RNF213: variants seen among roughly 807,000 people sequenced by gnomAD.
RNF213 encodes ring finger protein 213, also known as E3 ubiquitin-protein ligase RNF213.
Under a neutral mutation model 514.4 loss-of-function variants are expected in RNF213, and 341 were observed. The ratio of observed to expected loss-of-function variants is 0.66; its 90% CI spans 0.61 to 0.73. The LOEUF is 0.73. Ranked by LOEUF, RNF213 falls within the 30% of genes least tolerant of loss-of-function variation. The probability of loss-of-function intolerance (pLI) is 0.00; values close to 1 mark genes in which losing one functional copy is unlikely to be tolerated. For synonymous variants in RNF213, 2,655 were observed against 2,658.2 expected (o/e 1.00, Z 0.04); for missense variants, 5,767 against 6,615.6 (o/e 0.87, Z 4.45).
chr17:80,285,750 A>G (rs891425466), intron 3 of RNF213, among the ~76,000 whole-genome samples: 3 of 148,452 alleles, frequency 2.0e-5, no homozygotes, highest in African/African-American at 7.5e-5. Context: ...GGCTGACCGC[A>G]GCCTCTGCCT....
intron 13 of RNF213, 148 bp downstream of exon 13, chr17:80,307,349 A>G: frequency 1.6e-6 from 1 of 628,748 alleles, no homozygotes; most frequent in East Asian, 3.1e-5. Context: ...TCAGGTTATT[A>G]ATATTGTCGT....
intron 3 of RNF213, among the ~76,000 whole-genome samples, chr17:80,280,992 C>T (rs941404536): frequency 6.6e-5 from 10 of 151,800 alleles, no homozygotes; most frequent in African/African-American, 7.3e-5. Flanking sequence ...GGTGTATACA[C>T]GGGTGTGGAA....
Position 80,355,368 on chromosome 17 carries a change from G to A in RNF213, c.10862+792G>A, listed in dbSNP as rs993284694. On this transcript the variant is annotated intron_variant, in intron 36 of 67. Transcript: ENST00000582970. ...GGGAAGAAGCGGGGTGAACGGGAATGGGAGCTTACAGGGGAAGAAGCGGGG... is the reference window on the plus strand; with the variant it reads ...GGGAAGAAGCGGGGTGAACGGGAATAGGAGCTTACAGGGGAAGAAGCGGGG... The A allele has an allele frequency of 1.3e-3, 507 of 391,470 alleles. 16 individuals are homozygous for A. The highest frequency in any genetic ancestry group is 9.7e-3 in the African/African-American group (437 of 44,840). The allele number at this position is 391,470 out of a possible 1,614,324, so 24.2% of individuals were successfully genotyped here. A position where few individuals can be genotyped will look rare whatever the true frequency, so the allele number is the denominator to read the frequency against.
intron 67 of RNF213, 118 bp downstream of exon 67, chr17:80,390,314 T>C (rs1369601503): frequency 1.6e-6 from 2 of 1,230,672 alleles, no homozygotes; most frequent in Non-Finnish European, 1.2e-6. Context: ...TTCCTGCTTT[T>C]TGTCATTACC....
intron 6 of RNF213, 92 bp downstream of exon 6, chr17:80,289,929 G>A: frequency 1.5e-6 from 2 of 1,377,526 alleles, no homozygotes; most frequent in Non-Finnish European, 2.0e-6. Flanking sequence ...TATCCAGGCT[G>A]CCCTTCTAGT....
At chr17:80,276,077 A>T (rs1448601624) in intron 3 of RNF213, among the ~76,000 whole-genome samples, 119 of 150,142 alleles carry the variant, frequency 7.9e-4, no homozygotes, top group African/African-American at 2.8e-3. Context: ...TTATTTATTT[A>T]TTTATTTATT....
At chr17:80,268,991 A>G (rs549036349) in intron 2 of RNF213, among the ~76,000 whole-genome samples, 45 of 152,326 alleles carry the variant, frequency 3.0e-4, no homozygotes, top group African/African-American at 9.6e-4. Context: ...CCCCTGGCAA[A>G]CCACTGGCGT....
At chr17:80,302,591 C>T (rs995725481) in intron 11 of RNF213, among the ~76,000 whole-genome samples, 4 of 152,132 alleles carry the variant, frequency 2.6e-5, no homozygotes, top group African/African-American at 9.7e-5. Context: ...CTTGGTGGCT[C>T]ATGCCTATAA....
rs1478885725 is a variant in RNF213 at position 80,287,935 on chromosome 17, C to T, written c.382C>T (p.Pro128Ser). 4.5e-6 allele frequency: 7 copies of T among 1,569,300 alleles called. No homozygotes were observed. Among genetic ancestry groups the T allele is most frequent in the Non-Finnish European group, 5.2e-6 (6 of 1,157,138 alleles). Residue 128 changes from proline to serine, a missense_variant, in exon 4 of 68, where the codon CCT (proline) becomes TCT (serine). Physicochemically the swap from Pro to Ser is moderately conservative, Grantham distance 74. Coordinates refer to ENST00000582970, the MANE Select transcript of RNF213 (RefSeq NM_001256071.3). ...CHLTLLSNPW[P>S]QDTALPHSQA... ...CCTGACTTTGCTTTCAAACCCGTGG[C>T]CTCAGGACACAGCCCTGCCCCACAG...
In RNF213 at chr17:80,344,778, G is replaced by A; in HGVS notation, c.6443G>A (p.Ser2148Asn). ...VIDMELSALR[S>N]DTEPGMDLWE... ...GACATGGAGCTGAGTGCCCTGAGGA[G>A]TGACACAGAGCCTGGGATGGATCTG... Residue 2148 changes from serine to asparagine, a missense_variant, in exon 29 of 68, where the codon AGT becomes AAT. This residue lies in a region of RNF213 where 1,377 missense variants were observed against 1,635.2 expected (regional missense o/e 0.84). Coordinates refer to ENST00000582970, the MANE Select transcript of RNF213 (RefSeq NM_001256071.3). The A allele has an allele frequency of 1.2e-6, 2 of 1,614,204 alleles. No individual in the cohort carries two copies. The highest frequency in any genetic ancestry group is 1.7e-6 in the Non-Finnish European group (2 of 1,180,040).
At chr17:80,371,329 T>C (rs1478283303) in intron 46 of RNF213, among the ~76,000 whole-genome samples, 3 of 152,230 alleles carry the variant, frequency 2.0e-5, no homozygotes, top group African/African-American at 7.2e-5. Context: ...ATTCCGAGTA[T>C]ATGAGGACAG....
At chr17:80,391,059 C>T (rs2080451652) in intron 67 of RNF213, among the ~76,000 whole-genome samples, 1 of 151,974 alleles carries the variant, frequency 6.6e-6, no homozygotes, top group African/African-American at 2.4e-5. Context: ...GAGACTTCAT[C>T]TCAAAAACAA....
At position 80,379,923 on chromosome 17, in the gene RNF213, C is replaced by T. The variant is rs918136173; in HGVS notation, c.13640+209C>T. ...TGTTGGATCCCTGGGCCCTGAAATG[C>T]AAAGCAGGCTACCCTTTAACAGCTG... On this transcript the variant is annotated intron_variant, in intron 55 of 67. Coordinates refer to ENST00000582970, the MANE Select transcript of RNF213 (RefSeq NM_001256071.3). 1.0e-5 allele frequency: 6 copies of T among 598,450 alleles called. No individual in the cohort carries two copies. Among genetic ancestry groups the T allele is most frequent in the East Asian group, 3.1e-5 (1 of 32,456 alleles). 37.1% of individuals were successfully genotyped at this position (598,450 alleles called of 1,614,324 possible). A position where few individuals can be genotyped will look rare whatever the true frequency, so the allele number is the denominator to read the frequency against.
intron 20 of RNF213, among the ~76,000 whole-genome samples, chr17:80,329,665 A>G (rs1334842304): frequency 6.6e-6 from 1 of 151,830 alleles, no homozygotes; most frequent in African/African-American, 2.4e-5. Flanking sequence ...CCCATCTCTA[A>G]AAAAAATACA....
At position 80,347,993 on chromosome 17, in the gene RNF213, G is replaced by A. The variant is rs1001657566; in HGVS notation, c.9658G>A (p.Gly3220Ser). 6.2e-7 allele frequency: 1 copy of A among 1,614,152 alleles called. No homozygotes were observed. ...HKYSPSDVFIGYHSDACASVV... is the reference protein window; with the variant it reads ...HKYSPSDVFISYHSDACASVV... ...ATACAGCCCCTCTGACGTCTTCATC[G>A]GCTACCACTCGGACGCCTGCGCGTC... is the stretch of plus-strand genomic sequence containing the variant. Residue 3220 changes from glycine to serine, a missense_variant, in exon 29 of 68, where the codon GGC becomes AGC. Gly to Ser is a moderately conservative substitution (Grantham distance 56). Coordinates refer to ENST00000582970, the MANE Select transcript of RNF213 (RefSeq NM_001256071.3). The surrounding 1 kb of genome is among the most constrained non-coding windows in gnomAD (Gnocchi z 7.2).
chr17:80,358,258 G>C (rs370461742), intron 36 of RNF213, 30 bp from the exon 37 acceptor site: 1 of 1,608,084 alleles, frequency 6.2e-7, no homozygotes, highest in African/African-American at 1.3e-5. Context: ...CCTCTGACCC[G>C]TGGTGGCCCA....
chr17:80,343,296 G>A lies in RNF213; in HGVS notation c.6154G>A (p.Val2052Met), dbSNP rs80097023. 4.9e-4 allele frequency: 795 copies of A among 1,612,886 alleles called. 6 individuals are homozygous for A. In the African/African-American group the frequency reaches 9.4e-3, roughly 19 times the overall value. Residue 2052 changes from valine to methionine, a missense_variant, in exon 27 of 68, where the codon GTG becomes ATG. By Grantham distance (21) the Val-to-Met change is conservative. Coordinates refer to ENST00000582970, the MANE Select transcript of RNF213 (RefSeq NM_001256071.3). The surrounding 1 kb of genome is among the most constrained non-coding windows in gnomAD (Gnocchi z 4.3). ...FLDAQYQKVP[V>M]LFHLDVTSSV... ...GGATGCGCAGTATCAGAAGGTCCCC[G>A]TGCTCTTTCACCTGGACGTGACCTC...
rs1437874973 is a variant in RNF213, at chr17:80,368,147, C to T, written c.12155+4C>T. 1.9e-6 allele frequency: 3 copies of T among 1,614,044 alleles called. No homozygotes were observed. Among genetic ancestry groups the T allele is most frequent in the Admixed American group, 3.3e-5 (2 of 60,034 alleles). On this transcript the variant is annotated splice_donor_region_variant and intron_variant, in intron 44 of 67. Transcript: ENST00000582970. ...CAGCTGTTTCCCAAGCGCACAGGTA[C>T]AACACCCTTTCTCTCAAGAAAGCAT...
chr17:80,342,273 G>A lies in RNF213; in HGVS notation c.5990-859G>A, dbSNP rs1336031289. 2.0e-5 allele frequency among the ~76,000 whole-genome samples: 3 copies of A among 152,310 alleles called. No individual in the cohort carries two copies. In the East Asian group the frequency reaches 5.8e-4, roughly 29 times the overall value. ...GCAGGCACACTCTGATGTTCACAGTGACAGAATCATTTCACAATGCATTTT... is the reference window on the plus strand; with the variant it reads ...GCAGGCACACTCTGATGTTCACAGTAACAGAATCATTTCACAATGCATTTT... On this transcript the variant is annotated intron_variant, in intron 26 of 67. Coordinates refer to ENST00000582970, the MANE Select transcript of RNF213 (RefSeq NM_001256071.3).
Sources: allele counts gnomAD v4.1 joint callset (sites outside exome capture counted in the v4.1 genomes callset), GRCh38; gene constraint gnomAD v4.1.1; regional missense constraint gnomAD v4.1.1; non-coding constraint Gnocchi (gnomAD v3.1); transcripts MANE v1.5; gene names NCBI Gene and HGNC (gene_info 2026-07-23, HGNC 2026-07-21).